Variants in CAST observed in about 807,000 individuals in gnomAD.
CAST encodes calpastatin.
Under a neutral mutation model 119.6 loss-of-function variants are expected in CAST, and 76 were observed. That is an observed-to-expected ratio of 0.64 (90% confidence interval 0.53 to 0.77). The LOEUF is 0.77. Ranked by LOEUF, CAST falls within the 30% of genes least tolerant of loss-of-function variation. CAST has a pLI of 0.00. For synonymous variants in CAST, 319 were observed against 331.6 expected, an observed-to-expected ratio of 0.96 and a Z score of 0.41; for missense variants, 953 against 946.5, an observed-to-expected ratio of 1.01 and a Z score of -0.09.
At chr5:96,150,843 C>A in the CAST span, among the ~76,000 whole-genome samples, 3 of 152,144 alleles carry the variant, frequency 2.0e-5, no homozygotes, top group Non-Finnish European at 2.9e-5. Flanking sequence ...AAAGAGCAGG[C>A]CTGGGAAGCT....
At chr5:96,272,967 T>A in the CAST span, among the ~76,000 whole-genome samples, 7 of 152,210 alleles carry the variant, frequency 4.6e-5, no homozygotes, top group Non-Finnish European at 7.3e-5. Context: ...ATAATAAATG[T>A]GAACAGGTTC....
At chr5:96,028,200 CA>C in the CAST span, among the ~76,000 whole-genome samples, 48 of 151,696 alleles carry the variant, frequency 3.2e-4, no homozygotes, top group African/African-American at 1.1e-3. Flanking sequence ...CCTTTAAACA[CA>C]AAAAATTACA....
chr5:96,281,671 C>T, the CAST span, among the ~76,000 whole-genome samples: 211 of 152,088 alleles, frequency 1.4e-3, 1 homozygote, highest in African/African-American at 4.8e-3. Context: ...GCAGCAGATG[C>T]GCGAGGAGAG....
chr5:96,514,716 G>A, the CAST span, among the ~76,000 whole-genome samples: 4 of 151,990 alleles, frequency 2.6e-5, no homozygotes, highest in African/African-American at 7.2e-5. Context: ...TTGTGTTTGT[G>A]CTATTTCCTC....
chr5:96,464,806 T>C, the CAST span, among the ~76,000 whole-genome samples: 1 of 152,192 alleles, frequency 6.6e-6, no homozygotes, highest in Non-Finnish European at 1.5e-5. Context: ...AAATACAACA[T>C]TGTTGGCTAC....
the CAST span, among the ~76,000 whole-genome samples, chr5:96,052,043 C>T: frequency 6.6e-6 from 1 of 152,024 alleles, no homozygotes; most frequent in Non-Finnish European, 1.5e-5. Flanking sequence ...GAAGACAGCA[C>T]AGGGGAGAGA....
the CAST span, chr5:96,412,305 T>C: frequency 1.2e-6 from 2 of 1,612,200 alleles, no homozygotes; most frequent in South Asian, 1.1e-5. Context: ...TGGGTCTGTG[T>C]AAAGCATCTT....
the CAST span, among the ~76,000 whole-genome samples, chr5:96,195,553 C>G: frequency 6.6e-6 from 1 of 152,142 alleles, no homozygotes; most frequent in African/African-American, 2.4e-5. Context: ...GTCATGGCAT[C>G]AATATTTGAA....
the CAST span, among the ~76,000 whole-genome samples, chr5:95,988,437 AATG>A: frequency 6.6e-6 from 1 of 152,146 alleles, no homozygotes; most frequent in African/African-American, 2.4e-5. Flanking sequence ...AGGAGCTGGC[AATG>A]ATAAGGGAAG....
chr5:96,523,498 G>A (rs1399100805), upstream of CAST, among the ~76,000 whole-genome samples: 1 of 152,202 alleles, frequency 6.6e-6, no homozygotes, highest in East Asian at 1.9e-4. Flanking sequence ...CTAAGCTTGT[G>A]TGCCCGACTC....
chr5:96,400,384 T>A, the CAST span, among the ~76,000 whole-genome samples: 1 of 152,268 alleles, frequency 6.6e-6, no homozygotes, highest in Non-Finnish European at 1.5e-5. Flanking sequence ...CTTCTCCCTG[T>A]AACATATAAG....
At chr5:96,586,732 A>G (rs1297568996) in intron 1 of CAST, among the ~76,000 whole-genome samples, 1 of 152,262 alleles carries the variant, frequency 6.6e-6, no homozygotes, top group African/African-American at 2.4e-5. Flanking sequence ...CTGCTGGTAC[A>G]AAGTAAAAGT....
the CAST span, among the ~76,000 whole-genome samples, chr5:96,499,771 C>T: frequency 1.3e-5 from 2 of 152,200 alleles, no homozygotes; most frequent in Admixed American, 6.5e-5. Flanking sequence ...CCTTCTAAAT[C>T]CTTTGTTGCC....
the CAST span, among the ~76,000 whole-genome samples, chr5:96,461,151 A>G: frequency 2.0e-5 from 3 of 152,144 alleles, no homozygotes; most frequent in Admixed American, 2.0e-4. Context: ...CACTTAATGC[A>G]ATGCTTTCAA....
chr5:96,202,600 A>C, the CAST span, among the ~76,000 whole-genome samples: 2 of 152,098 alleles, frequency 1.3e-5, no homozygotes, highest in African/African-American at 4.8e-5. Context: ...CTGAAGACAA[A>C]ATTATTATTG....
intron 1 of CAST, among the ~76,000 whole-genome samples, chr5:96,545,810 G>T (rs906976694): frequency 2.0e-5 from 3 of 152,268 alleles, no homozygotes; most frequent in Admixed American, 1.3e-4. Flanking sequence ...TTCTTCACTT[G>T]ATTGTTAAGA....
At chr5:96,409,159 A>G in the CAST span, among the ~76,000 whole-genome samples, 3 of 152,230 alleles carry the variant, frequency 2.0e-5, no homozygotes, top group East Asian at 3.8e-4. Flanking sequence ...GAAGAAACTG[A>G]AAAGACTTCC....
chr5:96,561,483 A>G (rs1165005576), intron 1 of CAST, among the ~76,000 whole-genome samples: 1 of 149,638 alleles, frequency 6.7e-6, no homozygotes, highest in Non-Finnish European at 1.5e-5. Flanking sequence ...CCAAACACTC[A>G]TGCTCTCACT....
Position 96,746,325 on chromosome 5 carries a change from C to G in CAST, c.1201-17C>G. 6.8e-7 allele frequency: 1 copy of G among 1,474,082 alleles called. No individual in the cohort carries two copies. Among genetic ancestry groups the G allele is most frequent in the Non-Finnish European group, 9.5e-7 (1 of 1,055,028 alleles). The allele number at this position is 1,474,082 out of a possible 1,614,324, so 91.3% of individuals were successfully genotyped here. A position where few individuals can be genotyped will look rare whatever the true frequency, so the allele number is the denominator to read the frequency against. ...GCATTATCCAACTACTTTTTTTTTC[C>G]CCTCCATTTTCATCAGGCAAAAGCT... is the stretch of plus-strand genomic sequence containing the variant. On this transcript the variant is annotated splice_polypyrimidine_tract_variant and intron_variant, in intron 16 of 31. Transcript: ENST00000675179.
Sources: gnomAD v4.1 joint callset for allele counts (sites outside exome capture counted in the v4.1 genomes callset) on GRCh38, gnomAD v4.1.1 for gene constraint, MANE v1.5 for transcripts, NCBI Gene and HGNC (gene_info 2026-07-23, HGNC 2026-07-21) for gene names.